The following TTC34 variants were observed in gnomAD, a reference collection of about 807,000 sequenced individuals.
TTC34 encodes the protein tetratricopeptide repeat domain 34.
TTC34 carries 44 observed loss-of-function variants against 40.7 expected under a neutral mutation model. The observed-to-expected ratio is 1.08, with a 90% CI of 0.85 to 1.39. The LOEUF (loss-of-function observed/expected upper bound fraction) is 1.39. Among genes scored for constraint, TTC34 ranks in the 40% most tolerant of loss-of-function variants. The pLI is 0.00. For missense variants in TTC34, 884 were observed against 838.0 expected, an observed-to-expected ratio of 1.05 and a Z score of -0.68; for synonymous variants, 422 against 398.6, an observed-to-expected ratio of 1.06 and a Z score of -0.70.
chr1:2,801,472 C>T (rs959745290), intron 1 of TTC34, 105 bp downstream of exon 1: 1 of 152,424 alleles, frequency 6.6e-6, no homozygotes, highest in African/African-American at 2.4e-5. Context: ...TATTCCCTGT[C>T]CCCAAGCTAC....
intron 6 of TTC34, among the ~76,000 whole-genome samples, chr1:2,677,001 A>C (rs1210646378): frequency 4.8e-5 from 4 of 83,152 alleles, no homozygotes; most frequent in Admixed American, 4.6e-4. Flanking sequence ...CTGGAGCAGC[A>C]CCCACCACTC....
intron 6 of TTC34, among the ~76,000 whole-genome samples, chr1:2,685,117 A>T (rs1346391771): frequency 7.2e-6 from 1 of 139,820 alleles, no homozygotes; most frequent in Non-Finnish European, 1.5e-5. Flanking sequence ...CAGCACCCAC[A>T]CCCCCAGGCG....
intron 6 of TTC34, among the ~76,000 whole-genome samples, chr1:2,688,157 G>GCA (rs1640453741): frequency 1.6e-4 from 6 of 37,452 alleles, no homozygotes; most frequent in East Asian, 2.1e-3. Flanking sequence ...GGCCTGGAAG[G>GCA]GCACCCACAC....
intron 6 of TTC34, among the ~76,000 whole-genome samples, chr1:2,768,626 G>A (rs1376972863): frequency 6.6e-6 from 1 of 152,040 alleles, no homozygotes; most frequent in Non-Finnish European, 1.5e-5. Flanking sequence ...CCACATGCAG[G>A]TGAGCATCCG....
At chr1:2,789,623 A>C (rs1643638397) in exon 3 of TTC34, 1 of 1,376,882 alleles carries the variant, frequency 7.3e-7, no homozygotes, top group African/African-American at 1.5e-5. Flanking sequence ...CACCACCAGC[A>C]GCAGCCCCCG....
intron 5 of TTC34, among the ~76,000 whole-genome samples, chr1:2,785,404 C>T (rs770670569): frequency 2.0e-5 from 3 of 152,158 alleles, no homozygotes; most frequent in South Asian, 2.1e-4. Flanking sequence ...GCAGCACCCC[C>T]GTGCTGGGTG....
chr1:2,685,709 G>A (rs1183338166), intron 6 of TTC34, among the ~76,000 whole-genome samples: 7 of 141,218 alleles, frequency 5.0e-5, no homozygotes, highest in East Asian at 2.2e-4. Flanking sequence ...GCCTGGGTCC[G>A]CACCCACACC....
At chr1:2,694,932 TCCTTGAGCAGCACCCACAC>T (rs1640790616) in intron 6 of TTC34, among the ~76,000 whole-genome samples, 1 of 39,724 alleles carries the variant, frequency 2.5e-5, no homozygotes, top group African/African-American at 1.0e-4. Context: ...GCACCTGACA[TCCTTGAGCAGCACCCACAC>T]CCCCAGGTGA....
intron 6 of TTC34, among the ~76,000 whole-genome samples, chr1:2,752,436 G>C (rs1347468919): frequency 2.4e-5 from 3 of 125,408 alleles, no homozygotes; most frequent in South Asian, 2.8e-4. Context: ...TGACAGCCTG[G>C]AACAGCACCC....
chr1:2,782,477 C>T (rs984351103), intron 6 of TTC34, among the ~76,000 whole-genome samples: 2 of 150,856 alleles, frequency 1.3e-5, no homozygotes, highest in African/African-American at 4.9e-5. Context: ...CTTCTCTATC[C>T]TATGTTTTAT....
rs1333577765 is a variant in TTC34, at chr1:2,751,127, C to T, written c.2226+32482G>A. ...TGACAGCCTGGAACAGCACCCTGTACCCCCAGGGGAGCATCTGACACCCTG... is the reference window on the plus strand; with the variant it reads ...TGACAGCCTGGAACAGCACCCTGTATCCCCAGGGGAGCATCTGACACCCTG... On this transcript the variant is annotated intron_variant, in intron 6 of 8. Transcript: ENST00000401095. Among the ~76,000 whole-genome samples the T allele has an allele frequency of 1.4e-4, 13 of 91,452 alleles. 3 individuals carry two copies. The highest frequency in any genetic ancestry group is 2.0e-4 in the African/African-American group (4 of 20,198). The allele number at this position is 91,452 out of a possible 152,430, so 60.0% of individuals were successfully genotyped here.
chr1:2,683,626 C>G (rs549879573), intron 6 of TTC34, among the ~76,000 whole-genome samples: 50 of 148,546 alleles, frequency 3.4e-4, no homozygotes, highest in Non-Finnish European at 5.3e-4. Flanking sequence ...TTCAGCAGCA[C>G]CCACACCCCC....
Position 2,685,162 on chromosome 1 carries a change from C to A in TTC34, c.2227-39599G>T, listed in dbSNP as rs1640270683. 2.1e-5 allele frequency among the ~76,000 whole-genome samples: 3 copies of A among 143,086 alleles called. 1 individual carries two copies. The highest frequency in any genetic ancestry group is 3.7e-3 in the Middle Eastern group (1 of 272). 93.9% of individuals were successfully genotyped at this position (143,086 alleles called of 152,430 possible). A position where few individuals can be genotyped will look rare whatever the true frequency, so the allele number is the denominator to read the frequency against. On this transcript the variant is annotated intron_variant, in intron 6 of 8. Transcript: ENST00000401095. Reference sequence around the variant, plus strand: ...CGGCCTGGAACAGCACCCACAACCCCACGTGAGCATCTGACTGCCTGGAAC... The same window carrying A: ...CGGCCTGGAACAGCACCCACAACCCAACGTGAGCATCTGACTGCCTGGAAC...
At chr1:2,750,352 C>T (rs1641275233) in intron 6 of TTC34, among the ~76,000 whole-genome samples, 1 of 77,748 alleles carries the variant, frequency 1.3e-5, no homozygotes, top group Non-Finnish European at 2.3e-5. Flanking sequence ...CAGCCTTGAA[C>T]AGCACCCTGC....
intron 6 of TTC34, among the ~76,000 whole-genome samples, chr1:2,749,522 AT>A (rs1641248999): frequency 1.7e-5 from 1 of 57,692 alleles, no homozygotes; most frequent in Non-Finnish European, 3.1e-5. Context: ...CAGCACCCAG[AT>A]TCCCAGGCAA....
At position 2,748,745 on chromosome 1, in the gene TTC34, G is replaced by A. The variant is rs1641225521; in HGVS notation, c.2226+34864C>T. Among the ~76,000 whole-genome samples, 2 of 136,008 alleles carry A rather than the reference G, an allele frequency of 1.5e-5. 1 individual carries two copies. Among genetic ancestry groups the A allele is most frequent in the Non-Finnish European group, 3.1e-5 (2 of 65,508 alleles). The allele number at this position is 136,008 out of a possible 152,430, so 89.2% of individuals were successfully genotyped here. The stretch of plus-strand genomic sequence containing the variant: ...CCTCCAGGTGAGCATCTGACAGACT[G>A]GAACAGCACCCACACCCCTAGGAGA... On this transcript the variant is annotated intron_variant, in intron 6 of 8. Coordinates refer to ENST00000401095, the Ensembl canonical transcript of TTC34.
chr1:2,697,603 CAA>C (rs1640926273), intron 6 of TTC34, among the ~76,000 whole-genome samples: 1 of 70,404 alleles, frequency 1.4e-5, no homozygotes, highest in Non-Finnish European at 3.5e-5. Flanking sequence ...ACAGCTCCCA[CAA>C]CCCCAGGTGA....
intron 6 of TTC34, among the ~76,000 whole-genome samples, chr1:2,748,516 C>CT: frequency 1.5e-5 from 2 of 132,236 alleles, no homozygotes; most frequent in South Asian, 2.3e-4. Context: ...GAGCAGCACC[C>CT]ACACCCTCAG....
intron 6 of TTC34, among the ~76,000 whole-genome samples, chr1:2,660,304 CCTG>C (rs1639498828): frequency 2.1e-5 from 3 of 142,262 alleles, no homozygotes; most frequent in Admixed American, 7.2e-5. Context: ...GGAACAGCAC[CCTG>C]CACCCCCAGG....
Sources: allele counts gnomAD v4.1 joint callset (sites outside exome capture counted in the v4.1 genomes callset), GRCh38; gene constraint gnomAD v4.1.1; transcripts MANE v1.5; gene names NCBI Gene and HGNC (gene_info 2026-07-23, HGNC 2026-07-21).